The following RORA variants were observed in gnomAD, a reference collection of about 807,000 sequenced individuals.
RORA encodes the protein RAR related orphan receptor A, also known as nuclear receptor ROR-alpha.
In RORA, 7 loss-of-function variants were observed where a neutral mutation model predicts 69.5. The observed-to-expected ratio is 0.10, with a 90% CI of 0.06 to 0.19. The LOEUF (loss-of-function observed/expected upper bound fraction) is 0.19. Ranked by LOEUF, RORA falls within the 10% of genes least tolerant of loss-of-function variation. RORA has a pLI of 1.00. For synonymous variants in RORA, 261 were observed against 240.8 expected, an observed-to-expected ratio of 1.08 and a Z score of -0.78; for missense variants, 457 against 663.0, an observed-to-expected ratio of 0.69 and a Z score of 3.41.
rs189396745 is a variant in RORA at position 61,065,331 on chromosome 15, G to A, written c.166+163722C>T. ...CTGCAGCTCCCCTCTGTTTCACCTA[G>A]TTAATTCTTACTACTCTAAGTTAAA... On this transcript the variant is annotated intron_variant, in intron 1 of 10. Transcript: ENST00000335670. Among the ~76,000 whole-genome samples, 6 of 152,288 alleles carry A rather than the reference G, an allele frequency of 3.9e-5. No individual in the cohort carries two copies. The East Asian group carries it at 1.2e-3, about 29-fold the overall frequency.
At chr15:61,188,303 G>T (rs1298314834) in intron 1 of RORA, among the ~76,000 whole-genome samples, 2 of 152,130 alleles carry the variant, frequency 1.3e-5, no homozygotes, top group African/African-American at 4.8e-5. Flanking sequence ...GCAGACCCAG[G>T]CAATGTGTCA....
chr15:60,671,066 T>TTATATA (rs1567149501), intron 2 of RORA, among the ~76,000 whole-genome samples: 4 of 18,512 alleles, frequency 2.2e-4, no homozygotes, highest in Admixed American at 1.8e-3. Context: ...TATATCCCAT[T>TTATATA]GATATATATA....
At chr15:60,761,392 G>C (rs899415835) in intron 1 of RORA, among the ~76,000 whole-genome samples, 2 of 152,030 alleles carry the variant, frequency 1.3e-5, no homozygotes, top group African/African-American at 4.8e-5. Context: ...AGGCACTTTA[G>C]GATCCTGTAG....
intron 6 of RORA, among the ~76,000 whole-genome samples, chr15:60,504,274 C>T (rs28754273): frequency 0.82 from 125,068 of 151,732 alleles, 52,858 homozygotes; most frequent in East Asian, 0.95. Context: ...TGGCTGGGCA[C>T]GGTGGTTCAC....
intron 1 of RORA, among the ~76,000 whole-genome samples, chr15:61,164,933 G>A (rs1439226474): frequency 6.6e-6 from 1 of 152,134 alleles, no homozygotes; most frequent in East Asian, 1.9e-4. Flanking sequence ...TGACAGCACA[G>A]CAGAGAACCT....
chr15:60,612,673 T>G (rs988175257), intron 2 of RORA, among the ~76,000 whole-genome samples: 2 of 146,544 alleles, frequency 1.4e-5, no homozygotes, highest in African/African-American at 2.7e-5. Context: ...TTTTTTTTTT[T>G]TTTTTTTTTT....
Position 60,492,328 on chromosome 15 carries a change from C to CTGT in RORA, c.*5126_*5127insACA, listed in dbSNP as rs1167198820. ...TATTTCAAAAATATAACATGTAACA[C>CTGT]TAAATGTTGGCTCGAGTTGCTGCTG... On this transcript the variant is annotated 3_prime_UTR_variant, in exon 11 of 11. Transcript: ENST00000335670. 1.3e-5 allele frequency: 2 copies of CTGT among 152,090 alleles called. No homozygotes were observed. Among genetic ancestry groups the CTGT allele is most frequent in the Non-Finnish European group, 2.9e-5 (2 of 67,992 alleles). 9.4% of individuals were successfully genotyped at this position (152,090 alleles called of 1,614,324 possible). A position where few individuals can be genotyped will look rare whatever the true frequency, so the allele number is the denominator to read the frequency against.
chr15:61,199,205 A>G (rs2079873293), intron 1 of RORA, among the ~76,000 whole-genome samples: 1 of 152,158 alleles, frequency 6.6e-6, no homozygotes, highest in Admixed American at 6.5e-5. Flanking sequence ...TTCAAAGCAT[A>G]CTGATTATTC....
At chr15:60,736,931 G>A (rs2071509112) in intron 1 of RORA, 1 of 152,180 alleles carries the variant, frequency 6.6e-6, no homozygotes, top group African/African-American at 2.4e-5. Context: ...CCAATGCCTC[G>A]AAGACAGAAA....
chr15:61,158,852 C>A (rs1481179953), intron 1 of RORA, among the ~76,000 whole-genome samples: 1 of 152,064 alleles, frequency 6.6e-6, no homozygotes, highest in Non-Finnish European at 1.5e-5. Flanking sequence ...AGGATGAAGG[C>A]AAGGATGAAG....
At chr15:60,550,916 T>A (rs997505598) in intron 2 of RORA, among the ~76,000 whole-genome samples, 16 of 152,234 alleles carry the variant, frequency 1.1e-4, no homozygotes, top group African/African-American at 3.6e-4. Flanking sequence ...CTGGTTTTGC[T>A]GCTCCTTCTG....
At chr15:60,795,543 C>A (rs1324352121) in intron 1 of RORA, among the ~76,000 whole-genome samples, 1 of 152,170 alleles carries the variant, frequency 6.6e-6, no homozygotes, top group Non-Finnish European at 1.5e-5. Context: ...CAGTTTGATA[C>A]CATGGTGGTA....
chr15:60,550,955 G>C (rs2067211967), intron 2 of RORA, among the ~76,000 whole-genome samples: 1 of 152,166 alleles, frequency 6.6e-6, no homozygotes, highest in Non-Finnish European at 1.5e-5. Context: ...AAGAGCCACT[G>C]TGTGGACCAC....
At chr15:60,989,957 T>C (rs1894322554) in intron 1 of RORA, among the ~76,000 whole-genome samples, 2 of 152,204 alleles carry the variant, frequency 1.3e-5, no homozygotes, top group Non-Finnish European at 1.5e-5. Flanking sequence ...TAGAACTTCT[T>C]TGGCTAAAAA....
At chr15:60,501,795 G>T (rs1169484495) in intron 8 of RORA, among the ~76,000 whole-genome samples, 1 of 152,000 alleles carries the variant, frequency 6.6e-6, no homozygotes, top group African/African-American at 2.4e-5. Flanking sequence ...GTTAAGTTTG[G>T]TGTCTATTCC....
intron 2 of RORA, among the ~76,000 whole-genome samples, chr15:60,605,261 C>T (rs1031687100): frequency 3.3e-5 from 5 of 151,880 alleles, no homozygotes; most frequent in Admixed American, 1.3e-4. Flanking sequence ...AGCAATTCTT[C>T]GTAATGTAGT....
intron 1 of RORA, among the ~76,000 whole-genome samples, chr15:61,149,232 A>T (rs2079376827): frequency 6.6e-6 from 1 of 152,154 alleles, no homozygotes; most frequent in African/African-American, 2.4e-5. Flanking sequence ...CGTGTTACTG[A>T]AGGTCTGCAG....
chr15:61,025,102 G>A (rs1449674376), intron 1 of RORA, among the ~76,000 whole-genome samples: 6 of 152,092 alleles, frequency 3.9e-5, no homozygotes, highest in Admixed American at 1.3e-4. Context: ...CAGACAGGAC[G>A]CAAACCCATG....
intron 1 of RORA, among the ~76,000 whole-genome samples, chr15:60,717,070 G>T (rs899252261): frequency 2.0e-5 from 3 of 152,202 alleles, no homozygotes; most frequent in African/African-American, 7.2e-5. Context: ...CTGAAAGCAT[G>T]GGGGGCAGTT....
Sources: allele counts gnomAD v4.1 joint callset (sites outside exome capture counted in the v4.1 genomes callset), GRCh38; gene constraint gnomAD v4.1.1; transcripts MANE v1.5; gene names NCBI Gene and HGNC (gene_info 2026-07-23, HGNC 2026-07-21).